Variants in SCPEP1 observed in about 807,000 individuals in gnomAD.
SCPEP1 encodes serine carboxypeptidase 1.
Under a neutral mutation model 63.8 loss-of-function variants are expected in SCPEP1, and 51 were observed. That is an observed-to-expected ratio of 0.80 (90% CI 0.64 to 1.01). The LOEUF is 1.01. Ranked by LOEUF, SCPEP1 falls within the 50% of genes least tolerant of loss-of-function variation. The pLI is 0.00. For synonymous variants in SCPEP1, 204 were observed against 207.8 expected (o/e 0.98, Z 0.16); for missense variants, 499 against 554.9 (o/e 0.90, Z 1.01).
chr17:56,996,807 C>T (rs1466986529), intron 8 of SCPEP1, among the ~76,000 whole-genome samples, 155 bp from the exon 9 acceptor site: 2 of 152,178 alleles, frequency 1.3e-5, no homozygotes, highest in Admixed American at 1.3e-4. Flanking sequence ...ACATGAGCCA[C>T]CAGGCCCAGC....
rs773691524 is a variant in SCPEP1 at position 56,991,166 on chromosome 17, CT to C, written c.615del (p.Val206LeufsTer33). 27 of 1,612,916 alleles carry C rather than the reference CT, an allele frequency of 1.7e-5. No individual in the cohort carries two copies. The highest frequency in any genetic ancestry group is 2.3e-5 in the Non-Finnish European group (27 of 1,178,954). On this transcript the variant is annotated frameshift_variant, in exon 6 of 13. Coordinates refer to ENST00000262288, the MANE Select transcript of SCPEP1 (RefSeq NM_021626.3). LOFTEE classifies it high-confidence loss of function. ...GVALGDSWIS[P>X]VDSVLSWGPY... ...GCCTTGGGTGATTCCTGGATCTCCC[CT>C]GTTGGTAAGTGTGGCATTTTCAGGC...
Position 56,978,239 on chromosome 17 carries a change from G to T in SCPEP1, c.76+4G>T. On this transcript the variant is annotated splice_donor_region_variant and intron_variant, in intron 1 of 12. Transcript: ENST00000262288. ...CTGCTGCTGGGCCTGAACGCAGGTA[G>T]GTTCAAGCAAGAGGCGCACCAGCTG... is the stretch of plus-strand genomic sequence containing the variant. The T allele has an allele frequency of 6.5e-7, 1 of 1,538,544 alleles. No homozygotes were observed. The highest frequency in any genetic ancestry group is 8.7e-7 in the Non-Finnish European group (1 of 1,146,528).
At chr17:56,991,008 G>A in intron 5 of SCPEP1, 91 bp from the exon 6 acceptor site, 1 of 942,490 alleles carries the variant, frequency 1.1e-6, no homozygotes, top group Non-Finnish European at 1.8e-6. Context: ...CTAGGCTCAA[G>A]CGATCCTCCT....
intron 9 of SCPEP1, 58 bp downstream of exon 9, chr17:56,997,113 C>T (rs1426425684): frequency 1.9e-6 from 2 of 1,067,290 alleles, no homozygotes; most frequent in Non-Finnish European, 2.7e-6. Flanking sequence ...AAAAAGAAAC[C>T]TGTTTATTAA....
chr17:56,991,175 A>C lies in SCPEP1; in HGVS notation c.619+4A>C. 1 of 1,612,776 alleles carries C rather than the reference A, an allele frequency of 6.2e-7. No individual in the cohort carries two copies. Among genetic ancestry groups the C allele is most frequent in the East Asian group, 2.2e-5 (1 of 44,872 alleles). ...GATTCCTGGATCTCCCCTGTTGGTA[A>C]GTGTGGCATTTTCAGGCATTTTTTC... On this transcript the variant is annotated splice_donor_region_variant and intron_variant, in intron 6 of 12. Coordinates refer to ENST00000262288, the MANE Select transcript of SCPEP1 (RefSeq NM_021626.3).
At chr17:57,003,771 C>T (rs543395344) in intron 12 of SCPEP1, among the ~76,000 whole-genome samples, 48 of 152,080 alleles carry the variant, frequency 3.2e-4, no homozygotes, top group African/African-American at 9.4e-4. Context: ...TTGGCACCTG[C>T]GTTGGTGAGA....
chr17:56,995,792 G>A, intron 8 of SCPEP1, 157 bp downstream of exon 8: 1 of 686,310 alleles, frequency 1.5e-6, no homozygotes, highest in Non-Finnish European at 2.1e-6. Context: ...GGTCTAAGCA[G>A]TGATGTAGTG....
At chr17:56,998,960 A>C (rs12602515) in intron 10 of SCPEP1, among the ~76,000 whole-genome samples, 76,433 of 151,732 alleles carry the variant, frequency 0.5, 19,657 homozygotes, top group African/African-American at 0.56. Flanking sequence ...TTTCTTAAAA[A>C]GGGGAAAAAA....
intron 6 of SCPEP1, among the ~76,000 whole-genome samples, chr17:56,993,990 C>G (rs1250316437): frequency 6.6e-6 from 1 of 152,180 alleles, no homozygotes; most frequent in Non-Finnish European, 1.5e-5. Flanking sequence ...TGATTAACAG[C>G]TAGGCCACGG....
chr17:56,990,040 C>T (rs549229334), intron 5 of SCPEP1, among the ~76,000 whole-genome samples: 11 of 152,210 alleles, frequency 7.2e-5, no homozygotes, highest in African/African-American at 2.4e-4. Context: ...AGTGAGACCC[C>T]TGTCTCTACA....
At chr17:57,005,997 C>G (rs1229646602) in intron 12 of SCPEP1, among the ~76,000 whole-genome samples, 176 bp from the exon 13 acceptor site, 7 of 152,194 alleles carry the variant, frequency 4.6e-5, no homozygotes, top group Middle Eastern at 3.2e-3. Context: ...GAGCTTTCAT[C>G]CAGTGCAGGA....
chr17:56,997,915 G>T lies in SCPEP1; in HGVS notation c.881-470G>T, dbSNP rs183109365. On this transcript the variant is annotated intron_variant, in intron 9 of 12. Transcript: ENST00000262288. ...GCCTCTCCACTTTCAATGTGTTTCT[G>T]ACTTCCTTCCTCCCGCTGGGGGTGA... is the stretch of plus-strand genomic sequence containing the variant. 230 of 161,604 alleles carry T rather than the reference G, an allele frequency of 1.4e-3. 1 individual carries two copies. The highest frequency in any genetic ancestry group is 1.3e-3 in the Non-Finnish European group (95 of 72,838). 10.0% of individuals were successfully genotyped at this position (161,604 alleles called of 1,614,324 possible).
chr17:56,997,953 CT>C, intron 9 of SCPEP1: 1 of 163,608 alleles, frequency 6.1e-6, no homozygotes. Context: ...CAAGGTGACG[CT>C]TTTCCTTTTC....
At chr17:56,996,583 G>C (rs759739223) in intron 8 of SCPEP1, among the ~76,000 whole-genome samples, 1 of 142,354 alleles carries the variant, frequency 7.0e-6, no homozygotes, top group Non-Finnish European at 1.5e-5. Context: ...GCAGTGGCCC[G>C]ATCTCGGCTC....
chr17:56,988,649 G>A (rs547266870), intron 5 of SCPEP1, among the ~76,000 whole-genome samples: 11 of 151,704 alleles, frequency 7.3e-5, no homozygotes, highest in African/African-American at 2.2e-4. Flanking sequence ...ATAAGATAAC[G>A]TTTCAAATCA....
At chr17:56,985,891 C>A (rs534950997) in intron 3 of SCPEP1, among the ~76,000 whole-genome samples, 54 of 152,202 alleles carry the variant, frequency 3.5e-4, no homozygotes, top group African/African-American at 1.3e-3. Flanking sequence ...CTGCCCTTCT[C>A]ACACCTCCCC....
chr17:56,995,209 GCACACAT>G lies in SCPEP1; in HGVS notation c.657+195_657+201del, dbSNP rs1200580205. ...TCAGGGACAAATTGAAAGAAAATCA[GCACACAT>G]CACTTTTTTCCAGATATAAGAAACA... is the stretch of plus-strand genomic sequence containing the variant. On this transcript the variant is annotated intron_variant, in intron 7 of 12. Coordinates refer to ENST00000262288, the MANE Select transcript of SCPEP1 (RefSeq NM_021626.3). 4 of 566,860 alleles carry G rather than the reference GCACACAT, an allele frequency of 7.1e-6. No individual in the cohort carries two copies. In the Admixed American group the frequency reaches 1.3e-4, roughly 19 times the overall value. 35.1% of individuals were successfully genotyped at this position (566,860 alleles called of 1,614,324 possible).
intron 10 of SCPEP1, 69 bp downstream of exon 10, chr17:56,998,567 C>CT: frequency 8.7e-7 from 1 of 1,153,008 alleles, no homozygotes; most frequent in Non-Finnish European, 1.3e-6. Flanking sequence ...AATTCAGAGA[C>CT]CTGAATTTGT....
At chr17:56,983,519 G>T (rs1285250506) in intron 2 of SCPEP1, 2 of 152,242 alleles carry the variant, frequency 1.3e-5, no homozygotes, top group Non-Finnish European at 2.9e-5. Flanking sequence ...CTAAGTGGCA[G>T]TGTAGCATTC....
Sources: allele counts gnomAD v4.1 joint callset (sites outside exome capture counted in the v4.1 genomes callset), GRCh38; gene constraint gnomAD v4.1.1; transcripts MANE v1.5; gene names NCBI Gene and HGNC (gene_info 2026-07-23, HGNC 2026-07-21).